The following RARB variants were observed in gnomAD, a reference collection of about 807,000 sequenced individuals.
RARB encodes retinoic acid receptor beta, also known as HBV-activated protein.
RARB carries 17 observed loss-of-function variants against 51.9 expected under a neutral mutation model. The ratio of observed to expected loss-of-function variants is 0.33; its 90% CI spans 0.22 to 0.49. RARB has a LOEUF of 0.49. Among genes scored for constraint, RARB ranks in the 20% least tolerant of loss-of-function variants. RARB has a pLI of 0.99. For missense variants in RARB, 369 were observed against 550.8 expected, an observed-to-expected ratio of 0.67 and a Z score of 3.30; for synonymous variants, 215 against 195.4, an observed-to-expected ratio of 1.10 and a Z score of -0.84.
chr3:25,546,698 G>A (rs1051619010), intron 3 of RARB, among the ~76,000 whole-genome samples: 16 of 152,084 alleles, frequency 1.1e-4, no homozygotes, highest in Middle Eastern at 3.2e-3. Context: ...TGGAAAGTAC[G>A]GAAATTTGCA....
chr3:25,288,597 G>A (rs1233680405), intron 5 of RARB, among the ~76,000 whole-genome samples: 2 of 152,126 alleles, frequency 1.3e-5, no homozygotes, highest in Non-Finnish European at 2.9e-5. Flanking sequence ...TATCCATTTG[G>A]TGAATGATTA....
chr3:24,910,087 C>G (rs1694958914), intron 2 of RARB, among the ~76,000 whole-genome samples: 1 of 152,156 alleles, frequency 6.6e-6, no homozygotes, highest in South Asian at 2.1e-4. Context: ...AAATCTGAAT[C>G]TTTCTATCCC....
chr3:25,054,064 A>G (rs554469338), intron 2 of RARB, among the ~76,000 whole-genome samples: 17 of 152,240 alleles, frequency 1.1e-4, no homozygotes, highest in Admixed American at 8.5e-4. Context: ...GTCCATGTGG[A>G]CACAGTTCCA....
chr3:25,184,471 A>G (rs560032454), intron 5 of RARB, among the ~76,000 whole-genome samples: 120 of 152,218 alleles, frequency 7.9e-4, no homozygotes, highest in Middle Eastern at 3.4e-3. Context: ...AATCATTAGG[A>G]AAGGTTCATC....
chr3:24,831,165 GC>G (rs1269445626), intron 1 of RARB, among the ~76,000 whole-genome samples: 3 of 152,192 alleles, frequency 2.0e-5, no homozygotes, highest in African/African-American at 7.2e-5. Flanking sequence ...GAAGCTTTGA[GC>G]CGGATTAAAT....
chr3:25,033,451 A>T (rs772650596), intron 2 of RARB, among the ~76,000 whole-genome samples: 2 of 152,214 alleles, frequency 1.3e-5, no homozygotes, highest in Non-Finnish European at 2.9e-5. Flanking sequence ...AAATCTGAGA[A>T]ACAAGCACCT....
intron 5 of RARB, among the ~76,000 whole-genome samples, chr3:25,312,630 G>A (rs537469744): frequency 6.6e-6 from 1 of 152,312 alleles, no homozygotes; most frequent in East Asian, 1.9e-4. Flanking sequence ...TAATGCAGCA[G>A]CAGATGAGCT....
intron 3 of RARB, among the ~76,000 whole-genome samples, chr3:25,552,160 A>T (rs1286766): frequency 0.63 from 95,717 of 151,876 alleles, 32,365 homozygotes; most frequent in African/African-American, 0.89. Context: ...GCAAAAACAG[A>T]CTGTGTGATT....
intron 5 of RARB, among the ~76,000 whole-genome samples, chr3:25,198,688 G>A (rs570997368): frequency 1.3e-5 from 2 of 151,814 alleles, no homozygotes; most frequent in African/African-American, 4.8e-5. Context: ...ATATGGAAAG[G>A]TGGCCAACCT....
chr3:25,555,684 C>G (rs1327430192), intron 3 of RARB: 2 of 152,164 alleles, frequency 1.3e-5, no homozygotes, highest in African/African-American at 2.4e-5. Context: ...TGTTAACTGC[C>G]TTCCCCCTAG....
intron 4 of RARB, among the ~76,000 whole-genome samples, chr3:25,152,575 A>G (rs1181749899): frequency 6.6e-6 from 1 of 152,198 alleles, no homozygotes; most frequent in Non-Finnish European, 1.5e-5. Context: ...TGAAACATAC[A>G]TATATTGTGT....
At chr3:24,847,290 T>C (rs367967758) in intron 1 of RARB, among the ~76,000 whole-genome samples, 1 of 152,344 alleles carries the variant, frequency 6.6e-6, no homozygotes, top group South Asian at 2.1e-4. Flanking sequence ...TCACACAGAA[T>C]GACTCTAGGC....
chr3:25,186,814 C>A (rs919763162), intron 5 of RARB, among the ~76,000 whole-genome samples: 1 of 150,326 alleles, frequency 6.7e-6, no homozygotes, highest in Non-Finnish European at 1.5e-5. Flanking sequence ...AAAAAACATA[C>A]AAATTTGTTT....
rs545674039 is a variant in RARB, at chr3:25,380,430, T to C, written c.179-80763T>C. 1.7e-3 allele frequency among the ~76,000 whole-genome samples: 266 copies of C among 152,210 alleles called. 11 individuals carry two copies. In the South Asian group the frequency reaches 0.053, roughly 30 times the overall value. On this transcript the variant is annotated intron_variant, in intron 5 of 11. Transcript: ENST00000383772. The stretch of plus-strand genomic sequence containing the variant: ...GCAAACAGCCTTAACTCAGGTTTAG[T>C]TTTTTAGCAGGACTTGCTTTCAGGA...
intron 3 of RARB, among the ~76,000 whole-genome samples, chr3:25,080,455 A>G (rs1400798225): frequency 6.6e-6 from 1 of 152,212 alleles, no homozygotes; most frequent in Non-Finnish European, 1.5e-5. Flanking sequence ...GCTGGAATGT[A>G]TGGTAATTTT....
rs1420938895 is a variant in RARB, at chr3:25,495,589, T to A, written c.307-5593T>A. ...TGGCTCTAATGCATATATAGCCTTC[T>A]CCACCATGTGAGTTTTTCTTTTTCC... On this transcript the variant is annotated intron_variant, in intron 2 of 7. Coordinates refer to ENST00000330688, the MANE Select transcript of RARB (RefSeq NM_000965.5). Among the ~76,000 whole-genome samples, 2 of 152,200 alleles carry A rather than the reference T, an allele frequency of 1.3e-5. 1 individual carries two copies. The highest frequency in any genetic ancestry group is 3.8e-4 in the East Asian group (2 of 5,196).
chr3:25,529,818 C>T (rs1176629216), intron 3 of RARB, among the ~76,000 whole-genome samples: 1 of 152,118 alleles, frequency 6.6e-6, no homozygotes, highest in Non-Finnish European at 1.5e-5. Context: ...ATGGCGGACA[C>T]ACAGATAATA....
chr3:25,359,115 T>G (rs541280529), intron 5 of RARB, among the ~76,000 whole-genome samples: 1 of 152,198 alleles, frequency 6.6e-6, no homozygotes, highest in South Asian at 2.1e-4. Flanking sequence ...GGTTCTGGGC[T>G]TTTTTTGGTT....
chr3:25,062,971 A>G (rs1698580515), intron 3 of RARB, among the ~76,000 whole-genome samples: 2 of 151,978 alleles, frequency 1.3e-5, no homozygotes, highest in South Asian at 4.1e-4. Flanking sequence ...AAAACTAGGA[A>G]CGACAAAACT....
Sources: gnomAD v4.1 joint callset for allele counts (sites outside exome capture counted in the v4.1 genomes callset) on GRCh38, gnomAD v4.1.1 for gene constraint, MANE v1.5 for transcripts, NCBI Gene and HGNC (gene_info 2026-07-23, HGNC 2026-07-21) for gene names.